WWC1: variants seen among roughly 807,000 people sequenced by gnomAD.
WWC1 encodes the protein protein KIBRA.
In WWC1, 55 loss-of-function variants were observed where a neutral mutation model predicts 138.4. The ratio of observed to expected loss-of-function variants is 0.40; its 90% CI spans 0.32 to 0.50. The LOEUF is 0.50. Among genes scored for constraint, WWC1 ranks in the 20% least tolerant of loss-of-function variants. The pLI is 0.72. For missense variants in WWC1, 1,226 were observed against 1,420.4 expected (o/e 0.86, Z 2.20); for synonymous variants, 524 against 564.9 (o/e 0.93, Z 1.03).
chr5:168,468,851 A>G, intron 22 of WWC1, 100 bp from the exon 23 acceptor site: 1 of 1,250,380 alleles, frequency 8.0e-7, no homozygotes, highest in Non-Finnish European at 1.2e-6. Flanking sequence ...TTCTGCAGCG[A>G]ATGTATAGGA....
At chr5:168,461,405 A>C (rs1756799371) in intron 20 of WWC1, among the ~76,000 whole-genome samples, 1 of 152,346 alleles carries the variant, frequency 6.6e-6, no homozygotes, top group Non-Finnish European at 1.5e-5. Flanking sequence ...AGTCTTCCTC[A>C]TGCAAGACTC....
chr5:168,458,642 C>T (rs1418654006), intron 19 of WWC1, among the ~76,000 whole-genome samples: 1 of 152,178 alleles, frequency 6.6e-6, no homozygotes, highest in Non-Finnish European at 1.5e-5. Flanking sequence ...AGACACAGCC[C>T]ATCCTAAATT....
intron 1 of WWC1, among the ~76,000 whole-genome samples, chr5:168,328,279 G>C (rs546062327): frequency 9.8e-5 from 15 of 152,330 alleles, no homozygotes; most frequent in East Asian, 7.7e-4. Context: ...GAAGTCAGCA[G>C]GGGCTAGAAC....
At chr5:168,388,786 C>T (rs1480600356) in intron 3 of WWC1, among the ~76,000 whole-genome samples, 2 of 151,406 alleles carry the variant, frequency 1.3e-5, no homozygotes, top group East Asian at 2.0e-4. Context: ...GCCAAGATTG[C>T]ACCACTGTAC....
intron 2 of WWC1, among the ~76,000 whole-genome samples, chr5:168,384,511 C>T (rs1777887184): frequency 1.3e-5 from 2 of 152,046 alleles, no homozygotes; most frequent in Non-Finnish European, 2.9e-5. Context: ...TTCACATTTC[C>T]AGCTGGCTAT....
intron 1 of WWC1, among the ~76,000 whole-genome samples, chr5:168,345,709 T>C (rs1267802563): frequency 1.3e-5 from 2 of 152,226 alleles, no homozygotes; most frequent in Non-Finnish European, 2.9e-5. Context: ...AATATTTGTA[T>C]AGGCATTGAT....
intron 3 of WWC1, among the ~76,000 whole-genome samples, chr5:168,392,355 T>G (rs1778571152): frequency 6.6e-6 from 1 of 152,172 alleles, no homozygotes; most frequent in Non-Finnish European, 1.5e-5. Flanking sequence ...GGAAAGACAC[T>G]GACATTGAGG....
intron 1 of WWC1, among the ~76,000 whole-genome samples, chr5:168,293,296 A>G (rs574378303): frequency 1.3e-5 from 2 of 152,320 alleles, no homozygotes; most frequent in South Asian, 4.1e-4. Context: ...GTCTTGGGGA[A>G]TGCGGACTTT....
intron 20 of WWC1, among the ~76,000 whole-genome samples, chr5:168,461,256 C>T (rs1283405714): frequency 6.6e-6 from 1 of 151,010 alleles, no homozygotes; most frequent in South Asian, 2.1e-4. Context: ...CGCTTAAACG[C>T]AGGAGGCAGA....
chr5:168,461,524 G>A (rs1424511071), intron 20 of WWC1, among the ~76,000 whole-genome samples: 2 of 152,186 alleles, frequency 1.3e-5, no homozygotes, highest in Non-Finnish European at 2.9e-5. Flanking sequence ...CCAGCGGGAA[G>A]CCCACAGGGA....
chr5:168,389,004 AG>A (rs1201136505), intron 3 of WWC1, among the ~76,000 whole-genome samples: 1 of 152,186 alleles, frequency 6.6e-6, no homozygotes, highest in East Asian at 1.9e-4. Context: ...GGCAAGAAGA[AG>A]CATGGGAAAA....
At chr5:168,427,236 G>A (rs762658219) in intron 11 of WWC1, among the ~76,000 whole-genome samples, 13 of 152,192 alleles carry the variant, frequency 8.5e-5, no homozygotes, top group Non-Finnish European at 1.6e-4. Flanking sequence ...GATAGGAACA[G>A]TAGTGGCAAT....
chr5:168,426,935 C>T (rs77754060), intron 11 of WWC1, among the ~76,000 whole-genome samples: 2 of 152,188 alleles, frequency 1.3e-5, no homozygotes, highest in African/African-American at 4.8e-5. Context: ...CCTGGCACAT[C>T]GTGAGTGATC....
chr5:168,462,395 G>A (rs992209029), intron 20 of WWC1, among the ~76,000 whole-genome samples: 3 of 152,014 alleles, frequency 2.0e-5, no homozygotes, highest in South Asian at 2.1e-4. Context: ...GGCTTGTACT[G>A]CAGTCTCTGG....
intron 16 of WWC1, 135 bp downstream of exon 16, chr5:168,441,969 A>C: frequency 7.6e-7 from 1 of 1,309,896 alleles, no homozygotes; most frequent in East Asian, 2.7e-5. Flanking sequence ...GGAGAAGAAG[A>C]CAGGGAAGGA....
intron 1 of WWC1, among the ~76,000 whole-genome samples, chr5:168,352,060 G>A (rs891150504): frequency 2.0e-5 from 3 of 152,194 alleles, no homozygotes; most frequent in African/African-American, 7.2e-5. Context: ...AGGTCACTGA[G>A]CACCTACCTC....
Position 168,358,895 on chromosome 5 carries a change from G to A in WWC1, c.120-12529G>A, listed in dbSNP as rs569931382. 3.9e-5 allele frequency among the ~76,000 whole-genome samples: 6 copies of A among 152,084 alleles called. No homozygotes were observed. In the South Asian group the frequency reaches 1.2e-3, roughly 32 times the overall value. On this transcript the variant is annotated intron_variant, in intron 1 of 22. Coordinates refer to ENST00000265293, the MANE Select transcript of WWC1 (RefSeq NM_015238.3). ...TCCAAAACTTTTCTTGTGCCCCTCT[G>A]TAATCCTCTCCCTCTAACCCTCCTC... is the stretch of plus-strand genomic sequence containing the variant.
intron 7 of WWC1, among the ~76,000 whole-genome samples, chr5:168,408,860 G>A (rs892793077): frequency 2.0e-5 from 3 of 152,176 alleles, no homozygotes; most frequent in Non-Finnish European, 2.9e-5. Flanking sequence ...TGGAGGAAAA[G>A]CCTGCACTGA....
intron 20 of WWC1, among the ~76,000 whole-genome samples, chr5:168,463,008 C>A (rs756107567): frequency 6.6e-6 from 1 of 152,214 alleles, no homozygotes; most frequent in African/African-American, 2.4e-5. Context: ...GTCTTATATT[C>A]CTAATAGTAT....
Sources: gnomAD v4.1 joint callset for allele counts (sites outside exome capture counted in the v4.1 genomes callset) on GRCh38, gnomAD v4.1.1 for gene constraint, MANE v1.5 for transcripts, NCBI Gene and HGNC (gene_info 2026-07-23, HGNC 2026-07-21) for gene names.